The following DLGAP2 variants were observed in gnomAD, a reference collection of about 807,000 sequenced individuals.
DLGAP2 encodes DLG associated protein 2.
DLGAP2 carries 26 observed loss-of-function variants against 100.3 expected under a neutral mutation model. The ratio of observed to expected loss-of-function variants is 0.26; its 90% CI spans 0.19 to 0.36. The LOEUF is 0.36. Ranked by LOEUF, DLGAP2 falls within the 10% of genes least tolerant of loss-of-function variation. The pLI, the probability that DLGAP2 is intolerant of heterozygous loss-of-function variation, is 1.00. For synonymous variants in DLGAP2, 886 were observed against 630.1 expected, an observed-to-expected ratio of 1.41 and a Z score of -6.08; for missense variants, 1,858 against 1,453.2, an observed-to-expected ratio of 1.28 and a Z score of -4.53.
chr8:1,667,981 C>T (rs1052582396), intron 8 of DLGAP2, among the ~76,000 whole-genome samples: 3 of 151,482 alleles, frequency 2.0e-5, no homozygotes, highest in Non-Finnish European at 4.4e-5. Context: ...AATGACGCCA[C>T]ACCTGCGCAC....
intron 3 of DLGAP2, among the ~76,000 whole-genome samples, chr8:1,298,765 C>CTA (rs1563068738): frequency 6.6e-6 from 1 of 152,200 alleles, no homozygotes; most frequent in East Asian, 1.9e-4. Flanking sequence ...AAACTTTAAA[C>CTA]TAAAGACTTC....
In DLGAP2 at chr8:1,072,900, C is replaced by T. The variant is rs147586226; in HGVS notation, c.73+164934C>T. Among the ~76,000 whole-genome samples the T allele has an allele frequency of 1.5e-3, 221 of 152,290 alleles. 1 individual carries two copies. The highest frequency in any genetic ancestry group is 5.2e-3 in the African/African-American group (218 of 41,554). ...GGACCCTGTGCCTCTGGGATTTCTC[C>T]CTGCTGGCTGAGACGGAATCTGCTG... is the stretch of plus-strand genomic sequence containing the variant. On this transcript the variant is annotated intron_variant, in intron 2 of 14. Coordinates refer to ENST00000637795, the MANE Select transcript of DLGAP2 (RefSeq NM_001346810.2).
At chr8:1,557,961 G>T (rs545243267) in intron 5 of DLGAP2, among the ~76,000 whole-genome samples, 1 of 152,216 alleles carries the variant, frequency 6.6e-6, no homozygotes, top group Non-Finnish European at 1.5e-5. Context: ...GCCATAACTT[G>T]TGTGTCCTTC....
chr8:810,967 G>A (rs943787402), intron 1 of DLGAP2, among the ~76,000 whole-genome samples: 3 of 152,242 alleles, frequency 2.0e-5, no homozygotes, highest in East Asian at 1.9e-4. Context: ...AAAAGGAAGA[G>A]CGTACGGCGG....
intron 2 of DLGAP2, among the ~76,000 whole-genome samples, chr8:1,128,644 G>A (rs1310442499): frequency 9.2e-5 from 14 of 152,160 alleles, no homozygotes; most frequent in Admixed American, 5.9e-4. Flanking sequence ...CCAACAACAC[G>A]TTTCCCAGAA....
intron 3 of DLGAP2, among the ~76,000 whole-genome samples, chr8:1,453,155 C>T (rs546757824): frequency 6.6e-5 from 10 of 151,132 alleles, no homozygotes; most frequent in Admixed American, 4.0e-4. Flanking sequence ...GGTATTGGAG[C>T]GCGCTGGGCA....
intron 3 of DLGAP2, among the ~76,000 whole-genome samples, chr8:1,348,734 G>C (rs937155025): frequency 1.8e-4 from 28 of 152,324 alleles, no homozygotes; most frequent in African/African-American, 6.5e-4. Context: ...GAGTGCCCAT[G>C]CTCTGCTGTC....
chr8:898,434 G>C lies in DLGAP2; in HGVS notation c.19-9478G>C, dbSNP rs577221265. On this transcript the variant is annotated intron_variant, in intron 1 of 14. Transcript: ENST00000637795. ...CGGGGCAGCGATGTTTGGTGTGCGAGCTTTGCACTTACTGAGACGCTTCAT... is the reference window on the plus strand; with the variant it reads ...CGGGGCAGCGATGTTTGGTGTGCGACCTTTGCACTTACTGAGACGCTTCAT... 6.6e-5 allele frequency among the ~76,000 whole-genome samples: 10 copies of C among 152,340 alleles called. No homozygotes were observed. In the South Asian group the frequency reaches 2.1e-3, roughly 32 times the overall value.
intron 3 of DLGAP2, chr8:1,381,341 T>TA (rs1563117376): frequency 6.6e-6 from 1 of 152,226 alleles, no homozygotes; most frequent in Admixed American, 6.5e-5. Flanking sequence ...AATGGGCCGT[T>TA]ACGGTTCCTG....
chr8:1,366,173 C>T (rs1001017019), intron 3 of DLGAP2, among the ~76,000 whole-genome samples: 13 of 152,340 alleles, frequency 8.5e-5, no homozygotes, highest in African/African-American at 2.4e-4. Flanking sequence ...CTCTCCTTTT[C>T]CCTCCATTTA....
At chr8:1,162,032 C>T (rs1395069339) in intron 2 of DLGAP2, among the ~76,000 whole-genome samples, 2 of 152,202 alleles carry the variant, frequency 1.3e-5, no homozygotes, top group East Asian at 1.9e-4. Flanking sequence ...GGACCAGCGG[C>T]CTGTGAGGGG....
intron 2 of DLGAP2, among the ~76,000 whole-genome samples, chr8:1,054,495 T>C (rs1435468241): frequency 6.6e-6 from 1 of 152,228 alleles, no homozygotes; most frequent in Non-Finnish European, 1.5e-5. Flanking sequence ...AGTGCTGTCA[T>C]TAAAGTAGTC....
intron 1 of DLGAP2, among the ~76,000 whole-genome samples, chr8:855,990 T>C (rs867890960): frequency 5.3e-5 from 8 of 152,194 alleles, no homozygotes; most frequent in Middle Eastern, 6.8e-3. Context: ...AGATCAGAAA[T>C]GAGGAAGCGT....
intron 3 of DLGAP2, among the ~76,000 whole-genome samples, chr8:1,261,668 A>C (rs1799353374): frequency 6.6e-6 from 1 of 152,196 alleles, no homozygotes. Flanking sequence ...GTACGAGTGC[A>C]GTTGCTCCAG....
intron 8 of DLGAP2, among the ~76,000 whole-genome samples, chr8:1,638,572 TCAAA>T (rs1182374900): frequency 3.5e-4 from 53 of 152,168 alleles, no homozygotes; most frequent in African/African-American, 1.2e-3. Context: ...AGACAGCTCC[TCAAA>T]TAGCACAGGT....
At chr8:1,314,685 G>A (rs896069230) in intron 3 of DLGAP2, among the ~76,000 whole-genome samples, 2 of 152,174 alleles carry the variant, frequency 1.3e-5, no homozygotes, top group Admixed American at 6.5e-5. Context: ...CTGGGCTGCT[G>A]GGGGCCCCTC....
chr8:1,112,170 G>T (rs1043879908), intron 2 of DLGAP2, among the ~76,000 whole-genome samples: 1 of 149,054 alleles, frequency 6.7e-6, no homozygotes, highest in Non-Finnish European at 1.5e-5. Flanking sequence ...TGATATTTAA[G>T]TTTTTTCATA....
chr8:1,588,215 T>A (rs889129076), intron 6 of DLGAP2, among the ~76,000 whole-genome samples: 2 of 152,134 alleles, frequency 1.3e-5, no homozygotes, highest in African/African-American at 4.8e-5. Context: ...CTGAAAAAAT[T>A]CATGCAAGGC....
intron 1 of DLGAP2, among the ~76,000 whole-genome samples, chr8:749,858 G>A (rs998601410): frequency 6.6e-6 from 1 of 152,168 alleles, no homozygotes; most frequent in African/African-American, 2.4e-5. Flanking sequence ...GGTGTGGGGA[G>A]GGTCCCCTCC....
Sources: allele counts gnomAD v4.1 joint callset (sites outside exome capture counted in the v4.1 genomes callset), GRCh38; gene constraint gnomAD v4.1.1; transcripts MANE v1.5; gene names NCBI Gene and HGNC (gene_info 2026-07-23, HGNC 2026-07-21).